The following TTBK1 variants were observed in gnomAD, a reference collection of about 807,000 sequenced individuals.
TTBK1 encodes the protein tau-tubulin kinase 1.
In TTBK1, 34 loss-of-function variants were observed where a neutral mutation model predicts 108.5. That is an observed-to-expected ratio of 0.31 (90% confidence interval 0.24 to 0.42). TTBK1 has a LOEUF of 0.42. Ranked by LOEUF, TTBK1 falls within the 10% of genes least tolerant of loss-of-function variation. The pLI is 1.00. For synonymous variants in TTBK1, 809 were observed against 795.1 expected (o/e 1.02, Z -0.29); for missense variants, 1,539 against 1,826.0 (o/e 0.84, Z 2.86).
intron 13 of TTBK1, among the ~76,000 whole-genome samples, chr6:43,281,145 G>A (rs566895535): frequency 4.2e-4 from 64 of 152,216 alleles, no homozygotes; most frequent in African/African-American, 1.5e-3. Flanking sequence ...AGGCCGAAGC[G>A]GGTGGATCAC....
chr6:43,270,787 A>G, intron 13 of TTBK1: 5 of 985,430 alleles, frequency 5.1e-6, no homozygotes, highest in Non-Finnish European at 4.8e-6. Flanking sequence ...CCCAGCTTAG[A>G]AGCAGTGGCA....
Position 43,253,163 on chromosome 6 carries a change from G to A in TTBK1, c.257-128G>A. The A allele has an allele frequency of 9.3e-7, 1 of 1,079,362 alleles. No individual in the cohort carries two copies. Among genetic ancestry groups the A allele is most frequent in the South Asian group, 1.3e-5 (1 of 78,728 alleles). The allele number at this position is 1,079,362 out of a possible 1,614,324, so 66.9% of individuals were successfully genotyped here. ...TGATGAGGCTAGGGCCAGGGAGGTG[G>A]CAAGACAGGTGCTCACAGGGCCAGC... is the stretch of plus-strand genomic sequence containing the variant. On this transcript the variant is annotated intron_variant, in intron 3 of 14. Transcript: ENST00000259750. The surrounding 1 kb of genome is among the most constrained non-coding windows in gnomAD (Gnocchi z 5.8).
chr6:43,249,725 C>A lies in TTBK1; in HGVS notation c.108+2957C>A, dbSNP rs568474733. ...TTGAGTAGTTGGGATTACAGGCACC[C>A]GCCACCACACCTGGCTAATTTTTGT... is the stretch of plus-strand genomic sequence containing the variant. On this transcript the variant is annotated intron_variant, in intron 2 of 14. Transcript: ENST00000259750. 9.9e-5 allele frequency among the ~76,000 whole-genome samples: 15 copies of A among 151,904 alleles called. No homozygotes were observed. In the South Asian group the frequency reaches 1.0e-3, roughly 11 times the overall value.
chr6:43,252,182 C>CTGTGTG (rs58985204), intron 2 of TTBK1, among the ~76,000 whole-genome samples: 2,526 of 140,080 alleles, frequency 0.018, 51 homozygotes, highest in African/African-American at 0.045. Context: ...ACATCTGGCT[C>CTGTGTG]TGTGTGTGTG....
intron 13 of TTBK1, among the ~76,000 whole-genome samples, chr6:43,281,588 C>G (rs1320634618): frequency 6.6e-6 from 1 of 152,066 alleles, no homozygotes; most frequent in African/African-American, 2.4e-5. Flanking sequence ...CCTGGGGTAG[C>G]AGACACAGAG....
intron 5 of TTBK1, among the ~76,000 whole-genome samples, chr6:43,254,173 C>T (rs1196460372): frequency 3.3e-5 from 5 of 152,220 alleles, no homozygotes; most frequent in Non-Finnish European, 7.3e-5. Flanking sequence ...TTGAAAGGTT[C>T]AAGGCCACCC....
chr6:43,269,694 C>T lies in TTBK1; in HGVS notation c.1986+6344C>T. On this transcript the variant is annotated intron_variant, in intron 13 of 14. Transcript: ENST00000259750. The surrounding 1 kb of genome is among the most constrained non-coding windows in gnomAD (Gnocchi z 4.8). Reference sequence around the variant, plus strand: ...CTCCCTCCCGCGGTACAGCCCCCTGCGACGACTGGCGTCCTCCGTGTTCTC... The same window carrying T: ...CTCCCTCCCGCGGTACAGCCCCCTGTGACGACTGGCGTCCTCCGTGTTCTC... The T allele has an allele frequency of 1.9e-6, 3 of 1,610,958 alleles. No homozygotes were observed. Among genetic ancestry groups the T allele is most frequent in the Non-Finnish European group, 8.5e-7 (1 of 1,179,614 alleles).
intron 2 of TTBK1, among the ~76,000 whole-genome samples, chr6:43,250,000 T>C (rs1291146550): frequency 7.8e-6 from 1 of 128,574 alleles, no homozygotes; most frequent in Non-Finnish European, 1.6e-5. Context: ...GGGTTGTTGG[T>C]GGAGTGGGTG....
At chr6:43,258,786 C>A (rs1777444132) in intron 10 of TTBK1, among the ~76,000 whole-genome samples, 1 of 152,218 alleles carries the variant, frequency 6.6e-6, no homozygotes, top group Non-Finnish European at 1.5e-5. Flanking sequence ...TGAACGACAG[C>A]AGGATCCACT....
intron 13 of TTBK1, among the ~76,000 whole-genome samples, chr6:43,274,039 T>C (rs909583399): frequency 1.3e-5 from 2 of 152,118 alleles, no homozygotes; most frequent in African/African-American, 4.8e-5. Context: ...GACCTTTTTG[T>C]GGTGAGTGGG....
chr6:43,285,552 C>T lies in TTBK1; in HGVS notation c.*176C>T, dbSNP rs1778354602. The T allele has an allele frequency of 1.2e-6, 1 of 816,394 alleles. No individual in the cohort carries two copies. 50.6% of individuals were successfully genotyped at this position (816,394 alleles called of 1,614,324 possible). On this transcript the variant is annotated 3_prime_UTR_variant, in exon 15 of 15. Coordinates refer to ENST00000259750, the MANE Select transcript of TTBK1 (RefSeq NM_032538.3). This position sits in a 1 kb window ranked among gnomAD's most constrained non-coding sequence, Gnocchi z 4.7. Reference sequence around the variant, plus strand: ...CGAGCACACGCGGCGCCCCGCCAGGCCTTAGGGCCCGTGGGGGACGCGGCC... The same window carrying T: ...CGAGCACACGCGGCGCCCCGCCAGGTCTTAGGGCCCGTGGGGGACGCGGCC...
Position 43,254,558 on chromosome 6 carries a change from C to A in TTBK1, c.483C>A (p.Ala161=). 1 of 1,571,440 alleles carries A rather than the reference C, an allele frequency of 6.4e-7. No homozygotes were observed. Among genetic ancestry groups the A allele is most frequent in the Non-Finnish European group, 8.6e-7 (1 of 1,162,176 alleles). Residue 161 remains alanine (A), a synonymous_variant, in exon 6 of 15, where the codon GCC becomes GCA. Transcript: ENST00000259750. ...LHRDIKPSNF[A]MGRLPSTYRK... is the part of the protein sequence containing the mutation. Reference sequence around the variant, plus strand: ...GCTGTCTCCCCCAGTCAAACTTTGCCATGGGCAGGCTGCCCTCCACCTACA... The same window carrying A: ...GCTGTCTCCCCCAGTCAAACTTTGCAATGGGCAGGCTGCCCTCCACCTACA...
intron 13 of TTBK1, among the ~76,000 whole-genome samples, chr6:43,280,835 G>A (rs1233202765): frequency 1.3e-5 from 2 of 152,088 alleles, no homozygotes; most frequent in African/African-American, 4.8e-5. Context: ...GTTTGAGCTG[G>A]TCTTGAAGGA....
chr6:43,270,194 G>A, intron 13 of TTBK1: 1 of 1,331,218 alleles, frequency 7.5e-7, no homozygotes, highest in Non-Finnish European at 9.5e-7. Context: ...GCAGGGAGGG[G>A]TGGGGCTGGT....
intron 13 of TTBK1, among the ~76,000 whole-genome samples, chr6:43,277,634 C>G (rs911365772): frequency 6.6e-6 from 1 of 152,226 alleles, no homozygotes; most frequent in Admixed American, 6.5e-5. Context: ...TGGCCACGTT[C>G]CCGGGTCATC....
rs546653635 is a variant in TTBK1 at position 43,263,429 on chromosome 6, T to C, written c.1986+79T>C. On this transcript the variant is annotated intron_variant, in intron 13 of 14. Coordinates refer to ENST00000259750, the MANE Select transcript of TTBK1 (RefSeq NM_032538.3). This position sits in a 1 kb window ranked among gnomAD's most constrained non-coding sequence, Gnocchi z 4.7. ...GTGTAGGCCTGGGGTGCTCCATGTG[T>C]GCTGGCACTACTGACCAGTAAGCCA... The C allele has an allele frequency of 4.3e-5, 57 of 1,321,094 alleles. No homozygotes were observed. The African/African-American group carries it at 6.7e-4, about 16-fold the overall frequency. The allele number at this position is 1,321,094 out of a possible 1,614,324, so 81.8% of individuals were successfully genotyped here. A position where few individuals can be genotyped will look rare whatever the true frequency, so the allele number is the denominator to read the frequency against.
At chr6:43,270,416 T>G (rs970816167) in intron 13 of TTBK1, 1 of 269,636 alleles carries the variant, frequency 3.7e-6, no homozygotes, top group Non-Finnish European at 4.5e-6. Context: ...CCTTGCATGG[T>G]GTGTGTGTGT....
chr6:43,285,485 C>G lies in TTBK1; in HGVS notation c.*109C>G. On this transcript the variant is annotated 3_prime_UTR_variant, in exon 15 of 15. Coordinates refer to ENST00000259750, the MANE Select transcript of TTBK1 (RefSeq NM_032538.3). This position sits in a 1 kb window ranked among gnomAD's most constrained non-coding sequence, Gnocchi z 4.7. Reference sequence around the variant, plus strand: ...AGCCTTACGCGCCCGACGCGCGCCACCCGCGGCCCCAGCTTTCCGCCTGCA... The same window carrying G: ...AGCCTTACGCGCCCGACGCGCGCCAGCCGCGGCCCCAGCTTTCCGCCTGCA... 8.2e-7 allele frequency: 1 copy of G among 1,218,186 alleles called. No individual in the cohort carries two copies. The highest frequency in any genetic ancestry group is 1.0e-6 in the Non-Finnish European group (1 of 978,372). 75.5% of individuals were successfully genotyped at this position (1,218,186 alleles called of 1,614,324 possible).
Position 43,284,206 on chromosome 6 carries a change from A to G in TTBK1, c.3466A>G (p.Ile1156Val). 4 of 1,587,786 alleles carry G rather than the reference A, an allele frequency of 2.5e-6. No individual in the cohort carries two copies. Among genetic ancestry groups the G allele is most frequent in the Non-Finnish European group, 3.4e-6 (4 of 1,174,786 alleles). The change falls in exon 14 of 15, where the codon ATT becomes GTT. Residue 1156 changes from isoleucine to valine, a missense_variant. Coordinates refer to ENST00000259750, the MANE Select transcript of TTBK1 (RefSeq NM_032538.3). ...GAGGGCAGCCGCCACCAGGAGCCGG[A>G]TTCCCCGCCCCATTGGCCTCCGCAT... ...SGRAAATRSRIPRPIGLRMPM... is the reference protein window; with the variant it reads ...SGRAAATRSRVPRPIGLRMPM...
Sources: gnomAD v4.1 joint callset for allele counts (sites outside exome capture counted in the v4.1 genomes callset) on GRCh38, gnomAD v4.1.1 for gene constraint, Gnocchi (gnomAD v3.1) non-coding constraint, MANE v1.5 for transcripts, NCBI Gene and HGNC (gene_info 2026-07-23, HGNC 2026-07-21) for gene names.